NAA15: variants seen among roughly 807,000 people sequenced by gnomAD.
NAA15 encodes the protein N-terminal acetyltransferase.
A neutral mutation model predicts 114.0 loss-of-function variants in NAA15; 34 were observed. The ratio of observed to expected loss-of-function variants is 0.30; its 90% CI spans 0.23 to 0.40. NAA15 has a LOEUF of 0.40. Ranked by LOEUF, NAA15 falls within the 10% of genes least tolerant of loss-of-function variation. NAA15 has a pLI of 1.00. For missense variants in NAA15, 658 were observed against 1,004.5 expected (o/e 0.66, Z 4.66); for synonymous variants, 340 against 338.0 (o/e 1.01, Z -0.06).
chr4:139,358,521 TATTTTTTTTATTA>T (rs1560973031), intron 11 of NAA15, among the ~76,000 whole-genome samples: 1 of 147,524 alleles, frequency 6.8e-6, no homozygotes, highest in East Asian at 1.9e-4. Context: ...ATTTTTTATT[TATTTTTTTTATTA>T]ATTTTTTTAT....
chr4:139,367,302 C>T (rs1429008174), intron 14 of NAA15, among the ~76,000 whole-genome samples: 1 of 152,130 alleles, frequency 6.6e-6, no homozygotes, highest in Non-Finnish European at 1.5e-5. Context: ...TGGCTCTTGG[C>T]CCTGCCCTCT....
intron 2 of NAA15, 68 bp downstream of exon 2, chr4:139,334,326 C>CA (rs1747126205): frequency 9.7e-7 from 1 of 1,033,326 alleles, no homozygotes; most frequent in Admixed American, 2.7e-5. Flanking sequence ...GTATTCTTCC[C>CA]AGCTGCCTTA....
intron 1 of NAA15, among the ~76,000 whole-genome samples, chr4:139,323,546 G>T (rs1746692887): frequency 6.6e-6 from 1 of 152,016 alleles, no homozygotes; most frequent in Non-Finnish European, 1.5e-5. Context: ...GTAGCACCCT[G>T]CCCCATAAAT....
chr4:139,381,113 C>T (rs796200515), intron 17 of NAA15, among the ~76,000 whole-genome samples: 5 of 152,218 alleles, frequency 3.3e-5, no homozygotes, highest in African/African-American at 1.2e-4. Flanking sequence ...TACTGGCACC[C>T]TCCAAATCTC....
chr4:139,304,752 C>T (rs1164868074), intron 1 of NAA15, among the ~76,000 whole-genome samples: 4 of 152,120 alleles, frequency 2.6e-5, no homozygotes. Context: ...ATAGATTGCA[C>T]CACTACAATT....
chr4:139,344,078 C>A, intron 5 of NAA15, 108 bp from the exon 6 acceptor site: 2 of 941,408 alleles, frequency 2.1e-6, no homozygotes, highest in East Asian at 2.7e-5. Flanking sequence ...TTAGTTTTAT[C>A]AACCGGATGT....
chr4:139,301,955 G>A (rs1013768674), intron 1 of NAA15, 124 bp downstream of exon 1: 4 of 1,076,792 alleles, frequency 3.7e-6, no homozygotes, highest in South Asian at 1.6e-5. Flanking sequence ...CATAGCTCTC[G>A]TCAGGCCGAA....
chr4:139,385,417 C>T (rs1748886399), intron 18 of NAA15, among the ~76,000 whole-genome samples: 1 of 150,790 alleles, frequency 6.6e-6, no homozygotes, highest in African/African-American at 2.5e-5. Context: ...TACAAAGAAG[C>T]AGGTGTAACT....
At chr4:139,381,998 T>C (rs532104830) in intron 17 of NAA15, among the ~76,000 whole-genome samples, 1 of 152,292 alleles carries the variant, frequency 6.6e-6, no homozygotes, top group South Asian at 2.1e-4. Flanking sequence ...GATTTGCTAC[T>C]TTCCTGAGGC....
chr4:139,308,203 T>C (rs181738586), intron 1 of NAA15, among the ~76,000 whole-genome samples: 3 of 152,256 alleles, frequency 2.0e-5, no homozygotes, highest in African/African-American at 7.2e-5. Flanking sequence ...CCTCCTGATC[T>C]GCCCGCCTTG....
At chr4:139,328,118 A>ATT (rs35354123) in intron 1 of NAA15, among the ~76,000 whole-genome samples, 21 of 149,418 alleles carry the variant, frequency 1.4e-4, no homozygotes, top group African/African-American at 3.7e-4. Flanking sequence ...TAGCCCACTG[A>ATT]TTTTTTTTTT....
At chr4:139,349,431 T>TA in intron 6 of NAA15, 31 bp from the exon 7 acceptor site, 5 of 1,501,372 alleles carry the variant, frequency 3.3e-6, no homozygotes, top group South Asian at 1.3e-5. Flanking sequence ...TCTCAGATAT[T>TA]AAAATTTTTT....
chr4:139,389,511 C>A lies in NAA15; in HGVS notation c.*1427C>A, dbSNP rs369643350. ...GAATGCTGCTCCTGCATTAAGATTT[C>A]ATTGAGGGCAAGGCTGGTGGCAGGT... is the stretch of plus-strand genomic sequence containing the variant. On this transcript the variant is annotated 3_prime_UTR_variant, in exon 20 of 20. Transcript: ENST00000296543. 1 of 152,670 alleles carries A rather than the reference C, an allele frequency of 6.6e-6. No individual in the cohort carries two copies. Among genetic ancestry groups the A allele is most frequent in the South Asian group, 2.1e-4 (1 of 4,814 alleles). The allele number at this position is 152,670 out of a possible 1,614,324, so 9.5% of individuals were successfully genotyped here.
chr4:139,350,468 C>T lies in NAA15; in HGVS notation c.812-723C>T, dbSNP rs527615744. Among the ~76,000 whole-genome samples the T allele has an allele frequency of 8.5e-4, 130 of 152,278 alleles. 1 individual carries two copies. In the South Asian group the frequency reaches 0.011, roughly 13 times the overall value. ...TCTGTCACTCAAACTTGGATTCAGA[C>T]GTGGTCCCCCAGTCATCCTCTCCCA... On this transcript the variant is annotated intron_variant, in intron 7 of 19. Transcript: ENST00000296543.
At chr4:139,352,298 A>G (rs112321341) in intron 9 of NAA15, among the ~76,000 whole-genome samples, 8,311 of 152,008 alleles carry the variant, frequency 0.055, 255 homozygotes, top group East Asian at 0.1. Flanking sequence ...TAATAGAGAC[A>G]GGGTTTCACC....
chr4:139,343,686 A>C (rs1747486427), intron 5 of NAA15, among the ~76,000 whole-genome samples: 1 of 152,244 alleles, frequency 6.6e-6, no homozygotes, highest in South Asian at 2.1e-4. Context: ...ACATGCCATC[A>C]GTTCGTTCCA....
intron 1 of NAA15, among the ~76,000 whole-genome samples, chr4:139,315,051 G>GTTAGTTTAGTTTAGTTTAGT (rs770420396): frequency 4.4e-5 from 5 of 112,444 alleles, no homozygotes; most frequent in African/African-American, 1.4e-4. Flanking sequence ...GTTAGGTTAG[G>GTTAGTTTAGTTTAGTTTAGT]TTAGTTTAGT....
chr4:139,339,292 C>T (rs1288463115), intron 3 of NAA15, among the ~76,000 whole-genome samples: 1 of 151,892 alleles, frequency 6.6e-6, no homozygotes, highest in Non-Finnish European at 1.5e-5. Flanking sequence ...GCTAGGAGTT[C>T]AAGACTAGCC....
intron 19 of NAA15, among the ~76,000 whole-genome samples, chr4:139,386,975 T>G (rs1244972353): frequency 6.6e-6 from 1 of 152,220 alleles, no homozygotes; most frequent in African/African-American, 2.4e-5. Context: ...CTACCTCATG[T>G]TATAATTTGC....
Sources: allele counts gnomAD v4.1 joint callset (sites outside exome capture counted in the v4.1 genomes callset), GRCh38; gene constraint gnomAD v4.1.1; transcripts MANE v1.5; gene names NCBI Gene and HGNC (gene_info 2026-07-23, HGNC 2026-07-21).